BLVRA: variants seen among roughly 807,000 people sequenced by gnomAD.
BLVRA encodes biliverdin reductase A.
In BLVRA, 22 loss-of-function variants were observed where a neutral mutation model predicts 32.8. The observed-to-expected ratio is 0.67, with a 90% CI of 0.48 to 0.96. BLVRA has a LOEUF of 0.96. Among genes scored for constraint, BLVRA ranks in the 40% least tolerant of loss-of-function variants. The pLI is 0.00. For synonymous variants in BLVRA, 119 were observed against 141.3 expected (o/e 0.84, Z 1.12); for missense variants, 323 against 358.1 (o/e 0.90, Z 0.79).
At chr7:43,794,392 T>C (rs1490463930) in intron 5 of BLVRA, among the ~76,000 whole-genome samples, 1 of 152,030 alleles carries the variant, frequency 6.6e-6, no homozygotes, top group Non-Finnish European at 1.5e-5. Flanking sequence ...CTGGTAAAGG[T>C]AAATATATAG....
At chr7:43,775,404 G>T (rs1031142835) in intron 2 of BLVRA, among the ~76,000 whole-genome samples, 4 of 152,128 alleles carry the variant, frequency 2.6e-5, no homozygotes, top group Admixed American at 6.6e-5. Context: ...TAATCATGTG[G>T]TTTTTGTCTT....
At chr7:43,801,684 A>G (rs1222874381) in intron 6 of BLVRA, among the ~76,000 whole-genome samples, 1 of 152,212 alleles carries the variant, frequency 6.6e-6, no homozygotes, top group Non-Finnish European at 1.5e-5. Context: ...TGACAATCCT[A>G]TAAAGTGGTA....
At chr7:43,789,203 G>A (rs557063979) in intron 3 of BLVRA, among the ~76,000 whole-genome samples, 1 of 152,262 alleles carries the variant, frequency 6.6e-6, no homozygotes, top group African/African-American at 2.4e-5. Flanking sequence ...TGAAGACATG[G>A]TAGTGAGCAA....
At position 43,799,569 on chromosome 7, in the gene BLVRA, T is replaced by C. The variant is rs971940287; in HGVS notation, c.353-896T>C. On this transcript the variant is annotated intron_variant, in intron 5 of 7. Coordinates refer to ENST00000265523, the MANE Select transcript of BLVRA (RefSeq NM_000712.4). Reference sequence around the variant, plus strand: ...CTAACTGCAACCTCCACCTCCCAGGTTCAAGTGATCTTCCCAGCTCAGCCT... The same window carrying C: ...CTAACTGCAACCTCCACCTCCCAGGCTCAAGTGATCTTCCCAGCTCAGCCT... Among the ~76,000 whole-genome samples the C allele has an allele frequency of 3.3e-5, 5 of 152,232 alleles. No individual in the cohort carries two copies. The South Asian group carries it at 6.2e-4, about 19-fold the overall frequency.
intron 6 of BLVRA, among the ~76,000 whole-genome samples, chr7:43,801,193 C>T (rs1020830848): frequency 6.6e-6 from 1 of 152,098 alleles, no homozygotes; most frequent in Non-Finnish European, 1.5e-5. Flanking sequence ...AACAGTGTCT[C>T]CCTATGTTGC....
intron 2 of BLVRA, among the ~76,000 whole-genome samples, chr7:43,776,406 AGT>A (rs2095761005): frequency 6.6e-6 from 1 of 152,232 alleles, no homozygotes; most frequent in African/African-American, 2.4e-5. Context: ...TGTACCCAGT[AGT>A]CATTCAGGAG....
chr7:43,804,606 C>T (rs540543319), intron 7 of BLVRA, among the ~76,000 whole-genome samples: 57 of 152,296 alleles, frequency 3.7e-4, no homozygotes, highest in African/African-American at 1.3e-3. Flanking sequence ...ACATGTTCCC[C>T]GCAGGGCCAC....
intron 2 of BLVRA, 57 bp downstream of exon 2, chr7:43,771,227 T>C (rs1295275186): frequency 6.3e-7 from 1 of 1,582,910 alleles, no homozygotes; most frequent in Non-Finnish European, 8.7e-7. Context: ...GTCCCTCATT[T>C]CTCCTTTGCA....
intron 3 of BLVRA, among the ~76,000 whole-genome samples, chr7:43,788,436 A>G (rs17239558): frequency 0.031 from 4,765 of 151,860 alleles, 215 homozygotes; most frequent in African/African-American, 0.11. Flanking sequence ...AGTGTTATTA[A>G]CCCCCCAGTT....
chr7:43,795,409 G>A (rs2095790699), intron 5 of BLVRA, among the ~76,000 whole-genome samples: 1 of 151,750 alleles, frequency 6.6e-6, no homozygotes, highest in Non-Finnish European at 1.5e-5. Context: ...CCAGCTACTG[G>A]GGAGGCTGAG....
At chr7:43,759,583 A>C (rs1458873598) in intron 1 of BLVRA, among the ~76,000 whole-genome samples, 1 of 152,216 alleles carries the variant, frequency 6.6e-6, no homozygotes, top group Non-Finnish European at 1.5e-5. Context: ...AGCCCTGAAG[A>C]ATAAGTGACT....
chr7:43,781,199 G>T (rs1335104530), intron 2 of BLVRA, among the ~76,000 whole-genome samples: 1 of 151,422 alleles, frequency 6.6e-6, no homozygotes, highest in Non-Finnish European at 1.5e-5. Flanking sequence ...TGGTGTAGAG[G>T]TTTACCCATT....
rs2095739003 is a variant in BLVRA at position 43,758,742 on chromosome 7, G to A, written c.-22+8G>A. On this transcript the variant is annotated splice_region_variant and intron_variant, in intron 1 of 7. Coordinates refer to ENST00000265523, the MANE Select transcript of BLVRA (RefSeq NM_000712.4). ...GAGCGGTGCCCGCGTCAGGTGAGGCGCGCGCGGGGAACGGGGGTCGCGCGC... is the reference window on the plus strand; with the variant it reads ...GAGCGGTGCCCGCGTCAGGTGAGGCACGCGCGGGGAACGGGGGTCGCGCGC... 6.6e-6 allele frequency: 1 copy of A among 152,132 alleles called. No homozygotes were observed. The highest frequency in any genetic ancestry group is 2.1e-4 in the South Asian group (1 of 4,832). The allele number at this position is 152,132 out of a possible 1,614,324, so 9.4% of individuals were successfully genotyped here. A position where few individuals can be genotyped will look rare whatever the true frequency, so the allele number is the denominator to read the frequency against.
At chr7:43,763,453 T>A (rs1044233833) in intron 1 of BLVRA, among the ~76,000 whole-genome samples, 1 of 152,188 alleles carries the variant, frequency 6.6e-6, no homozygotes, top group African/African-American at 2.4e-5. Context: ...GGGACCACCA[T>A]CAGCAAGGGA....
At chr7:43,786,975 T>C (rs1048903055) in intron 2 of BLVRA, among the ~76,000 whole-genome samples, 1 of 151,914 alleles carries the variant, frequency 6.6e-6, no homozygotes, top group African/African-American at 2.4e-5. Context: ...CAGGCTGGAG[T>C]GCAGTGGCGC....
chr7:43,778,298 T>C (rs1167128307), intron 2 of BLVRA, among the ~76,000 whole-genome samples: 2 of 152,226 alleles, frequency 1.3e-5, no homozygotes, highest in African/African-American at 4.8e-5. Flanking sequence ...TCTTTGATGA[T>C]GGTGATGTAC....
At chr7:43,798,197 C>CAA (rs56855757) in intron 5 of BLVRA, among the ~76,000 whole-genome samples, 993 of 45,160 alleles carry the variant, frequency 0.022, 195 homozygotes, top group African/African-American at 0.065. Flanking sequence ...CCCCATCTCA[C>CAA]AAAAAAAAAA....
intron 2 of BLVRA, among the ~76,000 whole-genome samples, chr7:43,772,132 A>G (rs2095755304): frequency 6.6e-6 from 1 of 152,230 alleles, no homozygotes; most frequent in African/African-American, 2.4e-5. Context: ...GGTGAAGGGC[A>G]GGCTTCAGGG....
chr7:43,782,070 G>C (rs1040538077), intron 2 of BLVRA, among the ~76,000 whole-genome samples: 6 of 152,134 alleles, frequency 3.9e-5, no homozygotes, highest in Admixed American at 3.9e-4. Flanking sequence ...TTCCCCTCCT[G>C]CTTTGACTGT....
Sources: gnomAD v4.1 joint callset for allele counts (sites outside exome capture counted in the v4.1 genomes callset) on GRCh38, gnomAD v4.1.1 for gene constraint, MANE v1.5 for transcripts, NCBI Gene and HGNC (gene_info 2026-07-23, HGNC 2026-07-21) for gene names.